DLG2: variants seen among roughly 807,000 people sequenced by gnomAD.
DLG2 encodes the protein discs large MAGUK scaffold protein 2.
A neutral mutation model predicts 132.5 loss-of-function variants in DLG2; 45 were observed. That is an observed-to-expected ratio of 0.34 (90% confidence interval 0.27 to 0.44). The LOEUF (loss-of-function observed/expected upper bound fraction) is 0.44. Among genes scored for constraint, DLG2 ranks in the 20% least tolerant of loss-of-function variants. The pLI, the probability that DLG2 is intolerant of heterozygous loss-of-function variation, is 1.00. For synonymous variants in DLG2, 424 were observed against 419.6 expected (o/e 1.01, Z -0.13); for missense variants, 1,045 against 1,196.9 (o/e 0.87, Z 1.87).
chr11:85,546,336 A>G (rs1258140824), intron 3 of DLG2, among the ~76,000 whole-genome samples: 1 of 152,194 alleles, frequency 6.6e-6, no homozygotes, highest in African/African-American at 2.4e-5. Flanking sequence ...TTCTAATTTG[A>G]TTGCACTGTG....
chr11:84,389,168 A>G (rs1186010704), intron 7 of DLG2, among the ~76,000 whole-genome samples: 1 of 152,164 alleles, frequency 6.6e-6, no homozygotes, highest in African/African-American at 2.4e-5. Flanking sequence ...TTTCCTCAGC[A>G]AAGTCCAATA....
intron 18 of DLG2, among the ~76,000 whole-genome samples, chr11:83,722,292 A>C (rs2088803970): frequency 6.6e-6 from 1 of 152,142 alleles, no homozygotes; most frequent in African/African-American, 2.4e-5. Flanking sequence ...TTCCTGTTTT[A>C]AGTGCCAAGC....
At chr11:84,055,995 C>G (rs7928752) in intron 11 of DLG2, among the ~76,000 whole-genome samples, 131,349 of 152,044 alleles carry the variant, frequency 0.86, 57,033 homozygotes, top group Middle Eastern at 0.93. Context: ...CAGTTGGCTA[C>G]ATTTTTGATG....
intron 6 of DLG2, among the ~76,000 whole-genome samples, chr11:84,571,353 A>C (rs1165995866): frequency 6.7e-6 from 1 of 148,180 alleles, no homozygotes; most frequent in East Asian, 2.0e-4. Context: ...TTCTCCTTCC[A>C]CATCTTTGCC....
chr11:84,174,717 A>G (rs2095909157), intron 8 of DLG2, among the ~76,000 whole-genome samples: 1 of 152,180 alleles, frequency 6.6e-6, no homozygotes, highest in Admixed American at 6.6e-5. Flanking sequence ...ATTTTTACCA[A>G]CTAAAGACTG....
chr11:84,539,359 C>T (rs942766399), intron 6 of DLG2, among the ~76,000 whole-genome samples: 9 of 152,182 alleles, frequency 5.9e-5, no homozygotes, highest in Admixed American at 1.3e-4. Flanking sequence ...TATTCTTACA[C>T]CCTGACTAAG....
At chr11:84,256,507 C>A (rs2097473893) in intron 7 of DLG2, among the ~76,000 whole-genome samples, 1 of 152,146 alleles carries the variant, frequency 6.6e-6, no homozygotes, top group Non-Finnish European at 1.5e-5. Flanking sequence ...AACAGTAACA[C>A]TCATGGTACT....
intron 9 of DLG2, among the ~76,000 whole-genome samples, chr11:84,159,632 G>A (rs1031707602): frequency 2.0e-5 from 3 of 152,124 alleles, no homozygotes; most frequent in Non-Finnish European, 1.5e-5. Flanking sequence ...TGTATGTAAT[G>A]ATAATGAAGT....
At chr11:84,167,153 G>C in intron 8 of DLG2, 1 of 379,102 alleles carries the variant, frequency 2.6e-6, no homozygotes, top group Non-Finnish European at 5.4e-6. Flanking sequence ...AAAAATGTGT[G>C]TGCATGTTTA....
intron 6 of DLG2, among the ~76,000 whole-genome samples, chr11:84,724,033 T>A (rs1433539145): frequency 6.6e-6 from 1 of 152,170 alleles, no homozygotes; most frequent in Non-Finnish European, 1.5e-5. Context: ...ATGCATCTTT[T>A]TTCTTTGCTG....
intron 5 of DLG2, among the ~76,000 whole-genome samples, chr11:85,112,266 A>G (rs2072894178): frequency 1.3e-5 from 2 of 152,110 alleles, no homozygotes. Flanking sequence ...AGAGAAATAA[A>G]ACAATTTTCT....
At chr11:84,960,410 T>C (rs141952285) in intron 6 of DLG2, among the ~76,000 whole-genome samples, 2,989 of 152,228 alleles carry the variant, frequency 0.02, 55 homozygotes, top group Admixed American at 0.042. Flanking sequence ...CTCTCACTTA[T>C]TTCTATAACA....
At chr11:85,344,535 G>A (rs2082702703) in intron 3 of DLG2, among the ~76,000 whole-genome samples, 2 of 151,972 alleles carry the variant, frequency 1.3e-5, no homozygotes, top group South Asian at 4.2e-4. Flanking sequence ...CCATGACTAG[G>A]CTCTCTGAAC....
At chr11:85,107,304 T>C (rs1234412671) in intron 6 of DLG2, among the ~76,000 whole-genome samples, 1 of 152,064 alleles carries the variant, frequency 6.6e-6, no homozygotes, top group Non-Finnish European at 1.5e-5. Context: ...ATCATGTGTA[T>C]TTATACTTTG....
intron 19 of DLG2, among the ~76,000 whole-genome samples, chr11:83,605,662 C>A (rs1214783821): frequency 6.6e-6 from 1 of 152,214 alleles, no homozygotes; most frequent in Non-Finnish European, 1.5e-5. Context: ...CAAGGTCATG[C>A]AGCAAGTTAA....
chr11:85,100,411 A>T (rs2070683083), intron 6 of DLG2, among the ~76,000 whole-genome samples: 2 of 152,180 alleles, frequency 1.3e-5, no homozygotes, highest in Non-Finnish European at 2.9e-5. Context: ...TATTTCATAA[A>T]TGAGGAAAGT....
intron 7 of DLG2, among the ~76,000 whole-genome samples, chr11:84,360,579 A>C (rs1259507909): frequency 6.6e-6 from 1 of 151,998 alleles, no homozygotes; most frequent in African/African-American, 2.4e-5. Flanking sequence ...TTTTCAGGAA[A>C]GAGAAAGAAA....
At position 85,483,670 on chromosome 11, in the gene DLG2, G is replaced by A. The variant is rs150335890; in HGVS notation, c.40+114987C>T. The stretch of plus-strand genomic sequence containing the variant: ...ATCTATTAAGAATAATAGGCCAGGC[G>A]TGGTGGCTCACACCTATAATCCCAG... On this transcript the variant is annotated intron_variant, in intron 3 of 27. Coordinates refer to ENST00000376104, the MANE Select transcript of DLG2 (RefSeq NM_001142699.3). Among the ~76,000 whole-genome samples, 1,109 of 152,130 alleles carry A rather than the reference G, an allele frequency of 7.3e-3. 44 individuals are homozygous for A. The highest frequency in any genetic ancestry group is 0.064 in the Admixed American group (977 of 15,278).
Position 83,634,439 on chromosome 11 carries a change from T to C in DLG2, c.1826-1114A>G, listed in dbSNP as rs180966360. Among the ~76,000 whole-genome samples, 6 of 152,282 alleles carry C rather than the reference T, an allele frequency of 3.9e-5. No individual in the cohort carries two copies. The East Asian group carries it at 1.2e-3, about 29-fold the overall frequency. On this transcript the variant is annotated intron_variant, in intron 18 of 27. Coordinates refer to ENST00000376104, the MANE Select transcript of DLG2 (RefSeq NM_001142699.3). ...CTATCATTTCCTTGGCAAAACAATG[T>C]CTTGCTTTAGAAAATTCAGCAGGCT...
Sources: allele counts gnomAD v4.1 joint callset (sites outside exome capture counted in the v4.1 genomes callset), GRCh38; gene constraint gnomAD v4.1.1; transcripts MANE v1.5; gene names NCBI Gene and HGNC (gene_info 2026-07-23, HGNC 2026-07-21).